The following CPNE4 variants were observed in gnomAD, a reference collection of about 807,000 sequenced individuals.
CPNE4 encodes copine-4.
In CPNE4, 25 loss-of-function variants were observed where a neutral mutation model predicts 67.9. That is an observed-to-expected ratio of 0.37 (90% CI 0.27 to 0.51). The LOEUF (loss-of-function observed/expected upper bound fraction) is 0.51, where lower values mean the gene tolerates loss of function less well. Ranked by LOEUF, CPNE4 falls within the 20% of genes least tolerant of loss-of-function variation. CPNE4 has a pLI of 0.93. For missense variants in CPNE4, 464 were observed against 690.8 expected, an observed-to-expected ratio of 0.67 and a Z score of 3.68; for synonymous variants, 242 against 244.9, an observed-to-expected ratio of 0.99 and a Z score of 0.11.
chr3:131,670,798 G>A (rs1010839686), intron 6 of CPNE4, among the ~76,000 whole-genome samples: 2 of 116,012 alleles, frequency 1.7e-5, no homozygotes, highest in Non-Finnish European at 3.5e-5. Flanking sequence ...TTAGTTAGTG[G>A]AAGTCTTGGA....
chr3:131,738,454 C>T (rs1428498319), intron 2 of CPNE4, among the ~76,000 whole-genome samples: 1 of 100,070 alleles, frequency 1.0e-5, no homozygotes, highest in Non-Finnish European at 2.0e-5. Flanking sequence ...AAAGGAAGAC[C>T]TTTCATATAA....
At chr3:131,968,522 A>T (rs2072417218) in intron 1 of CPNE4, among the ~76,000 whole-genome samples, 1 of 152,204 alleles carries the variant, frequency 6.6e-6, no homozygotes, top group Admixed American at 6.5e-5. Context: ...GAAAGAAACA[A>T]TCCCATCGAA....
chr3:131,566,564 A>G (rs1000479398), intron 10 of CPNE4, among the ~76,000 whole-genome samples: 5 of 151,980 alleles, frequency 3.3e-5, no homozygotes, highest in Non-Finnish European at 5.9e-5. Context: ...GGATCCACCA[A>G]TGAGGCCTCA....
chr3:131,902,340 G>A (rs995713095), intron 2 of CPNE4, among the ~76,000 whole-genome samples: 1 of 151,976 alleles, frequency 6.6e-6, no homozygotes, highest in Non-Finnish European at 1.5e-5. Flanking sequence ...GGACGCTTTG[G>A]AAAAATTATT....
chr3:131,581,189 A>ACAAAAT, intron 9 of CPNE4, among the ~76,000 whole-genome samples: 1 of 152,226 alleles, frequency 6.6e-6, no homozygotes, highest in African/African-American at 2.4e-5. Flanking sequence ...AAGCAAACAA[A>ACAAAAT]CAAAACCAAA....
At chr3:131,729,198 G>A (rs142102450) in intron 2 of CPNE4, among the ~76,000 whole-genome samples, 3 of 152,170 alleles carry the variant, frequency 2.0e-5, no homozygotes, top group African/African-American at 7.2e-5. Flanking sequence ...GACATCATAG[G>A]CCAGAGAGAG....
chr3:131,753,746 T>C (rs2082685770), intron 2 of CPNE4, among the ~76,000 whole-genome samples: 1 of 152,132 alleles, frequency 6.6e-6, no homozygotes, highest in African/African-American at 2.4e-5. Flanking sequence ...TCCATCAGAC[T>C]GGTTAAAATT....
At chr3:131,593,372 C>A (rs879658179) in intron 7 of CPNE4, among the ~76,000 whole-genome samples, 2 of 152,148 alleles carry the variant, frequency 1.3e-5, no homozygotes, top group African/African-American at 4.8e-5. Flanking sequence ...AGAAGCCTTT[C>A]AACTCTTTGG....
At chr3:131,952,120 GT>G (rs1164839887) in intron 1 of CPNE4, among the ~76,000 whole-genome samples, 1 of 148,638 alleles carries the variant, frequency 6.7e-6, no homozygotes, top group Admixed American at 6.7e-5. Context: ...GAAGTGAGGA[GT>G]GCCTCTTCCC....
intron 2 of CPNE4, among the ~76,000 whole-genome samples, chr3:131,848,436 T>C (rs756314745): frequency 3.3e-5 from 5 of 152,114 alleles, no homozygotes; most frequent in Non-Finnish European, 7.4e-5. Context: ...AGCATTCCTC[T>C]GAAGCTGACT....
intron 1 of CPNE4, among the ~76,000 whole-genome samples, chr3:131,981,819 A>C (rs1039463692): frequency 2.0e-5 from 3 of 152,150 alleles, no homozygotes; most frequent in Non-Finnish European, 2.9e-5. Context: ...AGCTCCAAGT[A>C]AAGTCGGAAA....
intron 2 of CPNE4, among the ~76,000 whole-genome samples, chr3:131,838,940 AT>A (rs2085665474): frequency 6.6e-6 from 1 of 151,922 alleles, no homozygotes; most frequent in South Asian, 2.1e-4. Flanking sequence ...AATAAAATAT[AT>A]TCTTAGTTTT....
rs1255972543 is a variant in CPNE4, at chr3:131,954,964, A to G, written c.-1-49520T>C. Among the ~76,000 whole-genome samples the G allele has an allele frequency of 4.8e-5, 5 of 104,984 alleles. No homozygotes were observed. In the Admixed American group the frequency reaches 6.0e-4, roughly 13 times the overall value. 68.9% of individuals were successfully genotyped at this position (104,984 alleles called of 152,430 possible). A position where few individuals can be genotyped will look rare whatever the true frequency, so the allele number is the denominator to read the frequency against. On this transcript the variant is annotated intron_variant, in intron 1 of 15. Transcript: ENST00000429747. The stretch of plus-strand genomic sequence containing the variant: ...AGTGCCGCAATAAACATACGTATGC[A>G]TGTGAAAAAAAAAAAAAAAGAATTC...
intron 2 of CPNE4, among the ~76,000 whole-genome samples, chr3:131,754,385 A>G (rs1388671052): frequency 6.6e-6 from 1 of 152,178 alleles, no homozygotes; most frequent in African/African-American, 2.4e-5. Flanking sequence ...GAAAAAAAAG[A>G]GATTGCTCTT....
chr3:131,538,006 A>G (rs1481609082), intron 15 of CPNE4, among the ~76,000 whole-genome samples: 1 of 152,206 alleles, frequency 6.6e-6, no homozygotes, highest in Non-Finnish European at 1.5e-5. Flanking sequence ...CCCACTAGAT[A>G]TGAATAGAAG....
chr3:131,845,160 T>C (rs2085948215), intron 2 of CPNE4, among the ~76,000 whole-genome samples: 2 of 152,142 alleles, frequency 1.3e-5, no homozygotes, highest in African/African-American at 4.8e-5. Flanking sequence ...CTTAGAAAAA[T>C]GATTTAAAAT....
At chr3:131,710,732 C>T (rs1203949278) in intron 3 of CPNE4, among the ~76,000 whole-genome samples, 1 of 152,188 alleles carries the variant, frequency 6.6e-6, no homozygotes, top group African/African-American at 2.4e-5. Context: ...AAATCAGTTT[C>T]TTCCCTTCGA....
chr3:132,004,392 G>A (rs978320638), intron 1 of CPNE4, among the ~76,000 whole-genome samples: 1 of 152,034 alleles, frequency 6.6e-6, no homozygotes, highest in African/African-American at 2.4e-5. Flanking sequence ...TAGGATGCAT[G>A]TATGTCTGCA....
chr3:131,900,099 G>A (rs553192757), intron 2 of CPNE4, among the ~76,000 whole-genome samples: 9 of 151,854 alleles, frequency 5.9e-5, no homozygotes, highest in African/African-American at 1.5e-4. Flanking sequence ...TGGAGGGATC[G>A]GAATTAATCA....
Sources: allele counts gnomAD v4.1 joint callset (sites outside exome capture counted in the v4.1 genomes callset), GRCh38; gene constraint gnomAD v4.1.1; transcripts MANE v1.5; gene names NCBI Gene and HGNC (gene_info 2026-07-23, HGNC 2026-07-21).